Variants in FRMD4A observed in about 807,000 individuals in gnomAD.
The protein encoded by FRMD4A is FERM domain-containing protein 4A.
A neutral mutation model predicts 129.1 loss-of-function variants in FRMD4A; 29 were observed. That is an observed-to-expected ratio of 0.22 (90% CI 0.17 to 0.31). The LOEUF is 0.31. FRMD4A is among the 10% of genes least tolerant of loss of function. The pLI is 1.00. For synonymous variants in FRMD4A, 634 were observed against 571.6 expected, an observed-to-expected ratio of 1.11 and a Z score of -1.56; for missense variants, 1,272 against 1,375.8, an observed-to-expected ratio of 0.92 and a Z score of 1.19.
At chr10:14,147,890 C>T (rs1437724678) in intron 2 of FRMD4A, among the ~76,000 whole-genome samples, 1 of 152,166 alleles carries the variant, frequency 6.6e-6, no homozygotes, top group African/African-American at 2.4e-5. Flanking sequence ...AGATCTTCCA[C>T]TTACTATGTG....
chr10:14,302,872 T>A (rs565600311), intron 2 of FRMD4A, among the ~76,000 whole-genome samples: 2 of 152,154 alleles, frequency 1.3e-5, no homozygotes, highest in African/African-American at 2.4e-5. Context: ...AAGCCCTATA[T>A]CAAGGCAGAG....
intron 12 of FRMD4A, among the ~76,000 whole-genome samples, chr10:13,710,936 C>T (rs1417563436): frequency 6.6e-6 from 1 of 152,130 alleles, no homozygotes; most frequent in Non-Finnish European, 1.5e-5. Context: ...ATCACTAGAA[C>T]CCGGGAGGCA....
At chr10:14,225,807 C>A (rs11258952) in intron 2 of FRMD4A, among the ~76,000 whole-genome samples, 7,634 of 152,232 alleles carry the variant, frequency 0.05, 238 homozygotes, top group Middle Eastern at 0.095. Flanking sequence ...CCTGCCAGTT[C>A]GATTTCTCCT....
At chr10:13,729,601 T>C (rs529719720) in intron 12 of FRMD4A, 1 of 152,276 alleles carries the variant, frequency 6.6e-6, no homozygotes, top group South Asian at 2.1e-4. Flanking sequence ...TGCATCAATT[T>C]CCAGAGCCAA....
intron 2 of FRMD4A, among the ~76,000 whole-genome samples, chr10:14,260,951 G>A (rs1411325900): frequency 2.6e-5 from 4 of 152,160 alleles, no homozygotes; most frequent in Admixed American, 2.6e-4. Flanking sequence ...CCACCTCCAT[G>A]GGTCTTAGTT....
intron 2 of FRMD4A, among the ~76,000 whole-genome samples, chr10:14,169,323 C>T (rs1466308123): frequency 1.3e-5 from 2 of 152,140 alleles, no homozygotes; most frequent in African/African-American, 2.4e-5. Flanking sequence ...TTTACCATCC[C>T]TAGTGTAAGA....
At chr10:14,264,850 C>T (rs757553384) in intron 2 of FRMD4A, among the ~76,000 whole-genome samples, 7 of 152,024 alleles carry the variant, frequency 4.6e-5, no homozygotes, top group African/African-American at 7.2e-5. Flanking sequence ...GGCAAGATCG[C>T]GGCTCACTGC....
chr10:14,033,817 AAAAG>A (rs1210633535), intron 2 of FRMD4A, among the ~76,000 whole-genome samples: 2 of 152,048 alleles, frequency 1.3e-5, no homozygotes, highest in East Asian at 1.9e-4. Context: ...AGAGAGAAAG[AAAAG>A]AAAGAAAAAA....
At position 13,669,057 on chromosome 10, in the gene FRMD4A, G is replaced by GTTTTT. The variant is rs56706198; in HGVS notation, c.1374+1344_1374+1348dup. Among the ~76,000 whole-genome samples, 18 of 97,452 alleles carry GTTTTT rather than the reference G, an allele frequency of 1.8e-4. 2 individuals are homozygous for GTTTTT. The highest frequency in any genetic ancestry group is 3.4e-4 in the Non-Finnish European group (17 of 50,238). 63.9% of individuals were successfully genotyped at this position (97,452 alleles called of 152,430 possible). ...CCAGGAACTGCCTAACTGAGCTTTA[G>GTTTTT]TTTTTTTTTTTTTTTTTTTTTTTTT... On this transcript the variant is annotated intron_variant, in intron 17 of 24. Transcript: ENST00000357447.
intron 2 of FRMD4A, among the ~76,000 whole-genome samples, chr10:14,320,924 G>A (rs1037157623): frequency 2.0e-5 from 3 of 152,174 alleles, no homozygotes; most frequent in Non-Finnish European, 4.4e-5. Context: ...TCACCCTTCA[G>A]TTCAAATGCA....
At chr10:13,973,566 T>C in intron 2 of FRMD4A, among the ~76,000 whole-genome samples, 1 of 152,288 alleles carries the variant, frequency 6.6e-6, no homozygotes, top group Middle Eastern at 3.4e-3. Context: ...CGGTGCATAA[T>C]TTTATTCCTG....
chr10:13,820,240 A>C (rs1189333344), intron 3 of FRMD4A, among the ~76,000 whole-genome samples: 2 of 152,156 alleles, frequency 1.3e-5, no homozygotes, highest in African/African-American at 2.4e-5. Flanking sequence ...AGACACAGGA[A>C]ACTCATACAC....
At chr10:13,910,765 T>A (rs576993410) in intron 2 of FRMD4A, among the ~76,000 whole-genome samples, 1 of 152,040 alleles carries the variant, frequency 6.6e-6, no homozygotes, top group Non-Finnish European at 1.5e-5. Context: ...AATAAACAAT[T>A]ATGCACACAG....
intron 2 of FRMD4A, among the ~76,000 whole-genome samples, chr10:14,313,531 A>G (rs998376300): frequency 3.3e-5 from 5 of 152,244 alleles, no homozygotes; most frequent in African/African-American, 1.2e-4. Context: ...AACTGAAATT[A>G]TAATGCTTAC....
chr10:14,223,252 C>G (rs535412574), intron 2 of FRMD4A, among the ~76,000 whole-genome samples: 10 of 152,346 alleles, frequency 6.6e-5, no homozygotes, highest in African/African-American at 2.4e-4. Flanking sequence ...TCCCCAGAAC[C>G]ACCTTTTCTC....
intron 2 of FRMD4A, among the ~76,000 whole-genome samples, chr10:14,165,268 A>C (rs760703039): frequency 5.3e-5 from 8 of 152,216 alleles, no homozygotes; most frequent in Non-Finnish European, 1.0e-4. Flanking sequence ...AAAAATGCTC[A>C]GCGTCAGTGA....
chr10:14,062,172 A>G (rs919152296), intron 2 of FRMD4A, among the ~76,000 whole-genome samples: 1 of 152,246 alleles, frequency 6.6e-6, no homozygotes, highest in Non-Finnish European at 1.5e-5. Context: ...TTGGTTAAAT[A>G]CGTGGTTAAG....
chr10:14,312,260 A>AT (rs1305009008), intron 2 of FRMD4A, among the ~76,000 whole-genome samples: 1 of 152,222 alleles, frequency 6.6e-6, no homozygotes, highest in Non-Finnish European at 1.5e-5. Flanking sequence ...TTCTGTAGAC[A>AT]TTTAATGCTG....
At chr10:14,227,720 G>A (rs551155157) in intron 2 of FRMD4A, among the ~76,000 whole-genome samples, 1 of 152,128 alleles carries the variant, frequency 6.6e-6, no homozygotes, top group Non-Finnish European at 1.5e-5. Flanking sequence ...TAGACTGGAA[G>A]CTCTAGGATG....
Sources: allele counts gnomAD v4.1 joint callset (sites outside exome capture counted in the v4.1 genomes callset), GRCh38; gene constraint gnomAD v4.1.1; transcripts MANE v1.5; gene names NCBI Gene and HGNC (gene_info 2026-07-23, HGNC 2026-07-21).